Variants in ETFA observed in about 807,000 individuals in gnomAD.
ETFA encodes the protein electron transfer flavoprotein subunit alpha, mitochondrial.
Under a neutral mutation model 46.2 loss-of-function variants are expected in ETFA, and 22 were observed. The ratio of observed to expected loss-of-function variants is 0.48; its 90% confidence interval spans 0.34 to 0.68. ETFA has a LOEUF of 0.68. ETFA is among the 30% of genes least tolerant of loss of function. The probability of loss-of-function intolerance (pLI) is 0.01; values close to 1 mark genes in which losing one functional copy is unlikely to be tolerated. For missense variants in ETFA, 345 were observed against 401.1 expected (o/e 0.86, Z 1.19); for synonymous variants, 131 against 139.9 (o/e 0.94, Z 0.45).
In ETFA at chr15:76,285,744, T is replaced by C. The variant is rs2141530825; in HGVS notation, c.563-6A>G. ...CACTGGTGAAGTACTTGATGCTGCA[T>C]ACATTAATACATAATAAAACAATGA... On this transcript the variant is annotated splice_polypyrimidine_tract_variant and splice_region_variant and intron_variant, in intron 6 of 11. Transcript: ENST00000557943. The C allele has an allele frequency of 7.0e-7, 1 of 1,436,084 alleles. No homozygotes were observed. The highest frequency in any genetic ancestry group is 2.3e-5 in the East Asian group (1 of 44,030). The allele number at this position is 1,436,084 out of a possible 1,614,324, so 89.0% of individuals were successfully genotyped here. A position where few individuals can be genotyped will look rare whatever the true frequency, so the allele number is the denominator to read the frequency against.
chr15:76,308,988 T>C (rs2039962619), intron 1 of ETFA, among the ~76,000 whole-genome samples: 1 of 152,244 alleles, frequency 6.6e-6, no homozygotes, highest in African/African-American at 2.4e-5. Context: ...TTTTGAGATT[T>C]CTTTGTACTA....
At chr15:76,218,353 C>T (rs180983243) in intron 11 of ETFA, among the ~76,000 whole-genome samples, 1,858 of 152,170 alleles carry the variant, frequency 0.012, 17 homozygotes, top group Middle Eastern at 0.041. Flanking sequence ...CTGCAAGCTC[C>T]GTCTCCCAGG....
intron 11 of ETFA, among the ~76,000 whole-genome samples, chr15:76,222,389 T>A (rs1389884500): frequency 1.3e-5 from 2 of 152,048 alleles, no homozygotes; most frequent in Non-Finnish European, 1.5e-5. Flanking sequence ...AATATTTGAT[T>A]TTTTAAAAAC....
At chr15:76,267,409 G>C (rs1339345105) in intron 9 of ETFA, among the ~76,000 whole-genome samples, 1 of 152,180 alleles carries the variant, frequency 6.6e-6, no homozygotes, top group Non-Finnish European at 1.5e-5. Context: ...TAATTCGCAA[G>C]AATGGCAAGT....
chr15:76,258,268 C>A lies in ETFA; in HGVS notation c.816+16144G>T, dbSNP rs1204521212. 3.3e-5 allele frequency among the ~76,000 whole-genome samples: 5 copies of A among 152,100 alleles called. No homozygotes were observed. In the South Asian group the frequency reaches 1.0e-3, roughly 32 times the overall value. On this transcript the variant is annotated intron_variant, in intron 9 of 11. Transcript: ENST00000557943. ...TCCTGAACTCCTCTCCAGCCTCACTCGCTCTTGGGCAAGCCTCATAGCACC... is the reference window on the plus strand; with the variant it reads ...TCCTGAACTCCTCTCCAGCCTCACTAGCTCTTGGGCAAGCCTCATAGCACC...
At chr15:76,295,474 TA>T in intron 2 of ETFA, 116 bp downstream of exon 2, 1 of 860,836 alleles carries the variant, frequency 1.2e-6, no homozygotes, top group Non-Finnish European at 2.0e-6. Flanking sequence ...ACTGACCATT[TA>T]ATGAGGATTA....
chr15:76,286,313 C>T, intron 6 of ETFA, 58 bp downstream of exon 6: 3 of 898,178 alleles, frequency 3.3e-6, no homozygotes, highest in African/African-American at 1.7e-5. Flanking sequence ...TATTATAATA[C>T]AGTCTATGAA....
chr15:76,307,513 G>A (rs752705583), intron 1 of ETFA, among the ~76,000 whole-genome samples: 15 of 148,482 alleles, frequency 1.0e-4, no homozygotes, highest in African/African-American at 2.5e-4. Context: ...TTGAAACAGC[G>A]TCTCACTCTG....
At chr15:76,229,129 C>T (rs1393317993) in intron 10 of ETFA, 1 of 152,094 alleles carries the variant, frequency 6.6e-6, no homozygotes, top group African/African-American at 2.4e-5. Flanking sequence ...TCAACTAAAC[C>T]AGGATTCTAA....
intron 1 of ETFA, among the ~76,000 whole-genome samples, chr15:76,299,479 T>C (rs3991794): frequency 0.29 from 43,506 of 151,928 alleles, 6,690 homozygotes; most frequent in East Asian, 0.58. Flanking sequence ...GGCAGGGTCT[T>C]GCTGTGTTGC....
chr15:76,241,943 T>C (rs1433245224), intron 9 of ETFA, among the ~76,000 whole-genome samples: 1 of 145,914 alleles, frequency 6.9e-6, no homozygotes, highest in Non-Finnish European at 1.5e-5. Flanking sequence ...TTCAAGTGAG[T>C]CTCATGCTTC....
intron 9 of ETFA, among the ~76,000 whole-genome samples, chr15:76,269,391 C>T (rs372048012): frequency 1.3e-5 from 2 of 152,178 alleles, no homozygotes; most frequent in Admixed American, 6.5e-5. Flanking sequence ...TTCTAGCACA[C>T]CCATTATCTC....
At chr15:76,291,423 C>A (rs1162889423) in intron 4 of ETFA, among the ~76,000 whole-genome samples, 1 of 116,730 alleles carries the variant, frequency 8.6e-6, no homozygotes, top group African/African-American at 3.4e-5. Context: ...CCAGCCTGGG[C>A]GAGGAAAGTA....
At chr15:76,290,333 C>CTTTTTTT (rs10682432) in intron 4 of ETFA, among the ~76,000 whole-genome samples, 996 of 97,056 alleles carry the variant, frequency 0.01, 62 homozygotes, top group Middle Eastern at 0.018. Flanking sequence ...AGTCGCTACT[C>CTTTTTTT]TTTTTTTTTT....
chr15:76,223,891 C>T (rs2038980806), intron 11 of ETFA, among the ~76,000 whole-genome samples: 1 of 152,222 alleles, frequency 6.6e-6, no homozygotes, highest in South Asian at 2.1e-4. Flanking sequence ...ACTGGAAGAA[C>T]ACTGAAAATT....
At chr15:76,235,325 T>C (rs2039112273) in intron 9 of ETFA, among the ~76,000 whole-genome samples, 1 of 152,194 alleles carries the variant, frequency 6.6e-6, no homozygotes, top group Admixed American at 6.5e-5. Flanking sequence ...CTGAGCAGGC[T>C]GCACACTGAA....
At chr15:76,246,277 T>C (rs997501699) in intron 9 of ETFA, among the ~76,000 whole-genome samples, 1 of 152,200 alleles carries the variant, frequency 6.6e-6, no homozygotes, top group Non-Finnish European at 1.5e-5. Context: ...GGTTAAGTGA[T>C]TTGTCCAAAG....
intron 8 of ETFA, among the ~76,000 whole-genome samples, chr15:76,274,978 C>A (rs1258295537): frequency 6.6e-6 from 1 of 152,098 alleles, no homozygotes; most frequent in Non-Finnish European, 1.5e-5. Flanking sequence ...CCTTCCCCAG[C>A]AGGAGTCAAG....
At chr15:76,232,623 TAA>T (rs1567198040) in intron 9 of ETFA, among the ~76,000 whole-genome samples, 1 of 152,176 alleles carries the variant, frequency 6.6e-6, no homozygotes, top group Non-Finnish European at 1.5e-5. Flanking sequence ...CAATCCAAAA[TAA>T]GAGAGCATTT....
Sources: allele counts gnomAD v4.1 joint callset (sites outside exome capture counted in the v4.1 genomes callset), GRCh38; gene constraint gnomAD v4.1.1; transcripts MANE v1.5; gene names NCBI Gene and HGNC (gene_info 2026-07-23, HGNC 2026-07-21).